The following RYR3 variants were observed in gnomAD, a reference collection of about 807,000 sequenced individuals.
RYR3 encodes ryanodine receptor 3.
Under a neutral mutation model 584.3 loss-of-function variants are expected in RYR3, and 207 were observed. The observed-to-expected ratio is 0.35, with a 90% CI of 0.32 to 0.40. The LOEUF (loss-of-function observed/expected upper bound fraction) is 0.40. RYR3 is among the 10% of genes least tolerant of loss of function. RYR3 has a pLI of 1.00. For missense variants in RYR3, 5,616 were observed against 6,089.2 expected, an observed-to-expected ratio of 0.92 and a Z score of 2.59; for synonymous variants, 2,416 against 2,248.5, an observed-to-expected ratio of 1.07 and a Z score of -2.11.
intron 66 of RYR3, among the ~76,000 whole-genome samples, chr15:33,786,771 G>T (rs565286358): frequency 6.6e-6 from 1 of 152,282 alleles, no homozygotes; most frequent in South Asian, 2.1e-4. Flanking sequence ...TCCTGGACAT[G>T]AAAACAATGG....
chr15:33,400,076 T>G (rs192207628), intron 1 of RYR3, among the ~76,000 whole-genome samples: 5 of 152,294 alleles, frequency 3.3e-5, no homozygotes, highest in Non-Finnish European at 7.3e-5. Flanking sequence ...AGCTGACTTC[T>G]TATCTCATGG....
chr15:33,567,417 G>T (rs113166828), intron 12 of RYR3, among the ~76,000 whole-genome samples: 4 of 152,286 alleles, frequency 2.6e-5, no homozygotes, highest in African/African-American at 9.6e-5. Context: ...TTCTCTTGTA[G>T]GAAAATCTCT....
intron 91 of RYR3, 121 bp from the exon 92 acceptor site, chr15:33,843,367 C>A: frequency 1.5e-6 from 1 of 656,826 alleles, no homozygotes; most frequent in Non-Finnish European, 2.7e-6. Context: ...GAAGAGTGGT[C>A]ATCAAAGAGT....
intron 19 of RYR3, among the ~76,000 whole-genome samples, chr15:33,617,642 C>T (rs367676978): frequency 4.9e-4 from 75 of 152,146 alleles, no homozygotes; most frequent in Non-Finnish European, 8.2e-4. Context: ...TTTCACAGTC[C>T]TGTTTCCTCC....
chr15:33,535,222 G>T (rs1476474429), intron 5 of RYR3, among the ~76,000 whole-genome samples: 1 of 152,178 alleles, frequency 6.6e-6, no homozygotes, highest in Non-Finnish European at 1.5e-5. Flanking sequence ...ATAATGGAAG[G>T]ATCCAGGTTG....
At chr15:33,697,024 C>T (rs1009931422) in intron 39 of RYR3, among the ~76,000 whole-genome samples, 5 of 152,042 alleles carry the variant, frequency 3.3e-5, no homozygotes, top group East Asian at 1.9e-4. Flanking sequence ...CCTATAATCA[C>T]GTAGGGTAGC....
Position 33,841,277 on chromosome 15 carries a change from G to A in RYR3, c.13037+394G>A, listed in dbSNP as rs145202215. Among the ~76,000 whole-genome samples, 29 of 152,210 alleles carry A rather than the reference G, an allele frequency of 1.9e-4. No homozygotes were observed. In the East Asian group the frequency reaches 3.1e-3, roughly 16 times the overall value. ...TATTGATAGCATCTGATATTCTGTC[G>A]CTATAGTAAATAGAAAACTTGATAT... On this transcript the variant is annotated intron_variant, in intron 90 of 103. Coordinates refer to ENST00000634891, the MANE Select transcript of RYR3 (RefSeq NM_001036.6).
chr15:33,772,383 A>G (rs1011398105), intron 63 of RYR3, among the ~76,000 whole-genome samples: 3 of 152,212 alleles, frequency 2.0e-5, no homozygotes, highest in African/African-American at 7.2e-5. Context: ...ATCTTTTTCC[A>G]CTTTTGTTCT....
chr15:33,503,564 A>T (rs1567388973), intron 2 of RYR3, 67 bp from the exon 3 acceptor site: 2 of 903,206 alleles, frequency 2.2e-6, no homozygotes, highest in Non-Finnish European at 3.6e-6. Flanking sequence ...TGCCCTTGAG[A>T]TGTTGTTGCG....
intron 10 of RYR3, among the ~76,000 whole-genome samples, chr15:33,559,395 C>T (rs1010613247): frequency 6.6e-6 from 1 of 152,152 alleles, no homozygotes; most frequent in African/African-American, 2.4e-5. Context: ...TTATTATACT[C>T]ACAGGTCCTA....
chr15:33,327,859 T>G (rs1969914969), intron 1 of RYR3, among the ~76,000 whole-genome samples: 1 of 152,234 alleles, frequency 6.6e-6, no homozygotes, highest in African/African-American at 2.4e-5. Context: ...TTGATTAGAC[T>G]AGATATTCTG....
At chr15:33,686,477 A>G (rs188987020) in intron 38 of RYR3, among the ~76,000 whole-genome samples, 71 of 152,334 alleles carry the variant, frequency 4.7e-4, no homozygotes, top group African/African-American at 1.7e-3. Flanking sequence ...ACGAATTCAC[A>G]GCCGAATTCT....
chr15:33,532,316 C>T (rs538504945), intron 4 of RYR3, among the ~76,000 whole-genome samples: 91 of 152,144 alleles, frequency 6.0e-4, no homozygotes, highest in African/African-American at 2.0e-3. Context: ...AGAAAAAGAA[C>T]CATTATTTTG....
chr15:33,828,982 G>T (rs548455241), intron 85 of RYR3, among the ~76,000 whole-genome samples: 145 of 152,232 alleles, frequency 9.5e-4, no homozygotes, highest in African/African-American at 3.4e-3. Flanking sequence ...CTTATTAGGG[G>T]CAGCCCAGCT....
At chr15:33,312,211 C>G (rs538317388) in intron 1 of RYR3, among the ~76,000 whole-genome samples, 1 of 152,204 alleles carries the variant, frequency 6.6e-6, no homozygotes. Flanking sequence ...CTCTCACTTC[C>G]CTTTAAGGGT....
intron 1 of RYR3, among the ~76,000 whole-genome samples, chr15:33,416,950 CT>C (rs2043858255): frequency 6.6e-6 from 1 of 152,100 alleles, no homozygotes; most frequent in African/African-American, 2.4e-5. Context: ...ATAGGGTGTC[CT>C]TTCCCCATTG....
intron 1 of RYR3, among the ~76,000 whole-genome samples, chr15:33,385,689 CT>C (rs10711381): frequency 0.76 from 108,293 of 143,292 alleles, 41,172 homozygotes; most frequent in Non-Finnish European, 0.78. Context: ...TTTTTCTTTT[CT>C]TTTTTTTTCT....
chr15:33,399,935 G>C (rs1191236656), intron 1 of RYR3, among the ~76,000 whole-genome samples: 1 of 151,964 alleles, frequency 6.6e-6, no homozygotes, highest in Non-Finnish European at 1.5e-5. Context: ...TACCACAACA[G>C]AGCACCTCAA....
intron 12 of RYR3, among the ~76,000 whole-genome samples, chr15:33,569,092 T>C (rs8033477): frequency 0.66 from 99,818 of 152,070 alleles, 33,727 homozygotes; most frequent in Middle Eastern, 0.76. Flanking sequence ...ACATAACACA[T>C]TTTACTCATT....
Sources: gnomAD v4.1 joint callset for allele counts (sites outside exome capture counted in the v4.1 genomes callset) on GRCh38, gnomAD v4.1.1 for gene constraint, MANE v1.5 for transcripts, NCBI Gene and HGNC (gene_info 2026-07-23, HGNC 2026-07-21) for gene names.